Variants in FAM135B observed in about 807,000 individuals in gnomAD.
FAM135B encodes family with sequence similarity 135 member B, also known as protein FAM135B.
FAM135B carries 43 observed loss-of-function variants against 127.7 expected under a neutral mutation model. The ratio of observed to expected loss-of-function variants is 0.34; its 90% CI spans 0.26 to 0.43. FAM135B has a LOEUF of 0.43. FAM135B is among the 20% of genes least tolerant of loss of function. The pLI is 1.00. For synonymous variants in FAM135B, 670 were observed against 665.1 expected, an observed-to-expected ratio of 1.01 and a Z score of -0.11; for missense variants, 1,558 against 1,725.6, an observed-to-expected ratio of 0.90 and a Z score of 1.72.
intron 7 of FAM135B, among the ~76,000 whole-genome samples, chr8:138,206,353 C>T (rs80154720): frequency 1.7e-4 from 23 of 139,130 alleles, no homozygotes; most frequent in South Asian, 4.7e-4. Context: ...ACAACTCCAG[C>T]ATCCCCTCCA....
At chr8:138,362,011 C>T (rs1009542273) in intron 2 of FAM135B, among the ~76,000 whole-genome samples, 11 of 151,980 alleles carry the variant, frequency 7.2e-5, no homozygotes, top group African/African-American at 2.2e-4. Context: ...ATAGTAGGTA[C>T]AGATATTTAT....
chr8:138,363,033 G>C (rs758936432), intron 2 of FAM135B, among the ~76,000 whole-genome samples: 11 of 152,170 alleles, frequency 7.2e-5, no homozygotes, highest in Admixed American at 5.9e-4. Flanking sequence ...GGTTGGGAGA[G>C]GAGGTTATAC....
chr8:138,389,199 G>A (rs1832394656), intron 1 of FAM135B, among the ~76,000 whole-genome samples: 1 of 152,160 alleles, frequency 6.6e-6, no homozygotes, highest in Middle Eastern at 3.2e-3. Flanking sequence ...ATACATTGTT[G>A]GTGGGAATAT....
chr8:138,212,402 G>C (rs776531331), intron 7 of FAM135B, among the ~76,000 whole-genome samples: 1 of 152,210 alleles, frequency 6.6e-6, no homozygotes. Context: ...GCTCTGAAGA[G>C]ACTGAGGCAC....
chr8:138,289,073 C>T (rs193226021), intron 3 of FAM135B, among the ~76,000 whole-genome samples: 2 of 152,336 alleles, frequency 1.3e-5, no homozygotes, highest in African/African-American at 2.4e-5. Flanking sequence ...TCTCTCATTA[C>T]CCACTGTTAG....
intron 3 of FAM135B, among the ~76,000 whole-genome samples, chr8:138,305,012 TG>T (rs2130863010): frequency 6.6e-6 from 1 of 152,322 alleles, no homozygotes; most frequent in African/African-American, 2.4e-5. Flanking sequence ...ACTTAGAGCC[TG>T]GGGGCTGCAG....
chr8:138,245,224 T>C (rs1821184908), intron 6 of FAM135B, among the ~76,000 whole-genome samples: 1 of 152,156 alleles, frequency 6.6e-6, no homozygotes, highest in Admixed American at 6.5e-5. Flanking sequence ...AGGTTAAACA[T>C]TTTACTAAGA....
intron 2 of FAM135B, among the ~76,000 whole-genome samples, chr8:138,315,510 G>T (rs560816129): frequency 6.6e-6 from 1 of 152,252 alleles, no homozygotes; most frequent in Admixed American, 6.5e-5. Context: ...CTCATGGAGA[G>T]ATCTGCACCT....
At chr8:138,293,306 C>T (rs1000254937) in intron 3 of FAM135B, among the ~76,000 whole-genome samples, 1 of 151,994 alleles carries the variant, frequency 6.6e-6, no homozygotes, top group African/African-American at 2.4e-5. Flanking sequence ...TTCTTGAAGA[C>T]AACCTAGGAA....
chr8:138,269,654 T>C lies in FAM135B; in HGVS notation c.158-3812A>G, dbSNP rs1346549935. 2.6e-5 allele frequency among the ~76,000 whole-genome samples: 4 copies of C among 152,272 alleles called. No homozygotes were observed. The East Asian group carries it at 5.8e-4, about 22-fold the overall frequency. On this transcript the variant is annotated intron_variant, in intron 3 of 19. Transcript: ENST00000395297. ...TCATATGGTTTAGAAAATGCTCCTG[T>C]AGTAAGGGAAATATAAGTTCTAGAC...
chr8:138,179,908 T>C (rs892427359), intron 9 of FAM135B, among the ~76,000 whole-genome samples: 7 of 152,150 alleles, frequency 4.6e-5, no homozygotes, highest in African/African-American at 1.7e-4. Flanking sequence ...CTCGAACTCC[T>C]GGGCTCAAGT....
At chr8:138,255,830 C>T (rs1822042345) in intron 5 of FAM135B, among the ~76,000 whole-genome samples, 1 of 152,096 alleles carries the variant, frequency 6.6e-6, no homozygotes. Context: ...ATGACAATCG[C>T]ACTTACAACT....
intron 9 of FAM135B, among the ~76,000 whole-genome samples, chr8:138,189,815 G>T (rs753631502): frequency 1.6e-4 from 24 of 152,290 alleles, no homozygotes; most frequent in Non-Finnish European, 2.9e-4. Context: ...CTTCAATACG[G>T]TACCTGTATC....
intron 13 of FAM135B, among the ~76,000 whole-genome samples, chr8:138,150,669 T>A (rs4909400): frequency 0.071 from 530 of 7,462 alleles, 7 homozygotes; most frequent in African/African-American, 0.26. Context: ...TCTGTCTCAA[T>A]AAATAAATAA....
At position 138,132,026 on chromosome 8, in the gene FAM135B, T is replaced by A. The variant is rs1327168713; in HGVS notation, c.*567A>T. 3 of 153,970 alleles carry A rather than the reference T, an allele frequency of 1.9e-5. No individual in the cohort carries two copies. In the East Asian group the frequency reaches 5.8e-4, roughly 30 times the overall value. The allele number at this position is 153,970 out of a possible 1,614,324, so 9.5% of individuals were successfully genotyped here. Reference sequence around the variant, plus strand: ...GCTGTTATGAAATAGAACTGGGATTTGTAACACATTCCTTGCTCCCTTGTT... The same window carrying A: ...GCTGTTATGAAATAGAACTGGGATTAGTAACACATTCCTTGCTCCCTTGTT... On this transcript the variant is annotated 3_prime_UTR_variant, in exon 20 of 20. Transcript: ENST00000395297. The surrounding 1 kb of genome is among the most constrained non-coding windows in gnomAD (Gnocchi z 4.5).
intron 7 of FAM135B, among the ~76,000 whole-genome samples, chr8:138,239,007 A>G (rs1213648669): frequency 1.3e-5 from 2 of 152,252 alleles, no homozygotes; most frequent in Non-Finnish European, 2.9e-5. Context: ...TTTGACACAC[A>G]TCCCCAAAAA....
At chr8:138,169,822 G>C (rs572261749) in intron 11 of FAM135B, among the ~76,000 whole-genome samples, 5 of 152,330 alleles carry the variant, frequency 3.3e-5, no homozygotes, top group Non-Finnish European at 7.3e-5. Context: ...AATATAGCAG[G>C]ACAGGTGTGG....
intron 7 of FAM135B, among the ~76,000 whole-genome samples, chr8:138,239,807 T>C (rs1820591359): frequency 6.6e-6 from 1 of 152,186 alleles, no homozygotes; most frequent in African/African-American, 2.4e-5. Flanking sequence ...CACCATGGAA[T>C]ACTATGCAGC....
intron 1 of FAM135B, among the ~76,000 whole-genome samples, chr8:138,435,814 T>C (rs946142417): frequency 6.6e-6 from 1 of 152,184 alleles, no homozygotes; most frequent in Non-Finnish European, 1.5e-5. Flanking sequence ...CACCCCTTTG[T>C]TTAAGGGGTG....
Sources: allele counts gnomAD v4.1 joint callset (sites outside exome capture counted in the v4.1 genomes callset), GRCh38; gene constraint gnomAD v4.1.1; non-coding constraint Gnocchi (gnomAD v3.1); transcripts MANE v1.5; gene names NCBI Gene and HGNC (gene_info 2026-07-23, HGNC 2026-07-21).